The following RBPMS variants were observed in gnomAD, a reference collection of about 807,000 sequenced individuals.
RBPMS encodes the protein RNA binding protein, mRNA processing factor, also known as RNA-binding protein with multiple splicing.
RBPMS carries 7 observed loss-of-function variants against 26.8 expected under a neutral mutation model. The ratio of observed to expected loss-of-function variants is 0.26; its 90% CI spans 0.15 to 0.49. The LOEUF is 0.49. RBPMS is among the 20% of genes least tolerant of loss of function. The pLI is 0.98. For missense variants in RBPMS, 186 were observed against 250.0 expected, an observed-to-expected ratio of 0.74 and a Z score of 1.73; for synonymous variants, 96 against 93.3, an observed-to-expected ratio of 1.03 and a Z score of -0.17.
At chr8:30,448,606 G>A (rs1312266947) in intron 1 of RBPMS, among the ~76,000 whole-genome samples, 1 of 152,186 alleles carries the variant, frequency 6.6e-6, no homozygotes, top group Admixed American at 6.5e-5. Flanking sequence ...ACTAGAAAAA[G>A]TATACAGAGA....
At chr8:30,474,962 T>A in intron 2 of RBPMS, 106 bp downstream of exon 2, 1 of 759,784 alleles carries the variant, frequency 1.3e-6, no homozygotes, top group South Asian at 1.6e-5. Context: ...AAAACAGATG[T>A]TTTTAAAAGG....
intron 4 of RBPMS, among the ~76,000 whole-genome samples, chr8:30,481,850 G>A (rs1206520839): frequency 1.3e-5 from 2 of 152,150 alleles, no homozygotes; most frequent in South Asian, 4.1e-4. Flanking sequence ...AAATCTTTCC[G>A]ATGTTGTAGT....
At chr8:30,458,006 A>G (rs973848075) in intron 1 of RBPMS, among the ~76,000 whole-genome samples, 1 of 152,220 alleles carries the variant, frequency 6.6e-6, no homozygotes, top group African/African-American at 2.4e-5. Flanking sequence ...TGAGGATACC[A>G]AAACCTGGAT....
intron 1 of RBPMS, among the ~76,000 whole-genome samples, chr8:30,445,540 A>T (rs1222579503): frequency 6.6e-6 from 1 of 151,462 alleles, no homozygotes; most frequent in Non-Finnish European, 1.5e-5. Context: ...TTCTCTGTAG[A>T]TGGAAAGCTT....
chr8:30,561,860 G>A (rs1450641155), intron 7 of RBPMS: 2 of 985,244 alleles, frequency 2.0e-6, no homozygotes, highest in Non-Finnish European at 2.4e-6. Context: ...CCATTGTGAA[G>A]CAGTTGCGTG....
intron 3 of RBPMS, among the ~76,000 whole-genome samples, chr8:30,479,046 G>C (rs1234600566): frequency 2.0e-5 from 3 of 152,170 alleles, no homozygotes; most frequent in African/African-American, 4.8e-5. Context: ...GTTCACTGCT[G>C]TTCACCTTTC....
At chr8:30,517,743 T>C (rs1013597572) in intron 5 of RBPMS, among the ~76,000 whole-genome samples, 13 of 152,208 alleles carry the variant, frequency 8.5e-5, no homozygotes, top group African/African-American at 3.1e-4. Context: ...GTTGAAGTTA[T>C]AGACAATGCT....
At chr8:30,470,187 C>T (rs964820513) in intron 1 of RBPMS, among the ~76,000 whole-genome samples, 10 of 152,112 alleles carry the variant, frequency 6.6e-5, no homozygotes, top group Non-Finnish European at 1.3e-4. Context: ...AGTTCAAGAC[C>T]AGGCTGGCCA....
chr8:30,415,495 C>T (rs1287793016), intron 1 of RBPMS, among the ~76,000 whole-genome samples: 1 of 152,204 alleles, frequency 6.6e-6, no homozygotes. Context: ...CTCCTGCAGA[C>T]CCTATGCTTC....
Position 30,419,303 on chromosome 8 carries a change from G to A in RBPMS, c.66+34145G>A, listed in dbSNP as rs148429729. 9.8e-3 allele frequency among the ~76,000 whole-genome samples: 1,487 copies of A among 152,080 alleles called. 28 individuals are homozygous for A. The highest frequency in any genetic ancestry group is 0.034 in the African/African-American group (1,418 of 41,484). On this transcript the variant is annotated intron_variant, in intron 1 of 8. Transcript: ENST00000397323. ...TCTATTAAAAATACAAAAATTATCC[G>A]GGCATGGTGGTGCACGTCTGTAGTT...
chr8:30,554,473 CAT>C (rs1269166766), intron 6 of RBPMS, among the ~76,000 whole-genome samples: 1 of 152,244 alleles, frequency 6.6e-6, no homozygotes, highest in Non-Finnish European at 1.5e-5. Flanking sequence ...TGTGCCCACA[CAT>C]ATCAAGAAAC....
At chr8:30,465,534 C>A (rs1816401884) in intron 1 of RBPMS, among the ~76,000 whole-genome samples, 2 of 152,236 alleles carry the variant, frequency 1.3e-5, no homozygotes, top group South Asian at 4.1e-4. Context: ...CGCCTGTAAT[C>A]CCAGCGCTTT....
chr8:30,417,426 A>G (rs1810222717), intron 1 of RBPMS, among the ~76,000 whole-genome samples: 1 of 152,060 alleles, frequency 6.6e-6, no homozygotes, highest in Admixed American at 6.5e-5. Context: ...AACCTGTTTT[A>G]TAGAAACTTC....
At chr8:30,434,873 T>C (rs889809245) in intron 1 of RBPMS, among the ~76,000 whole-genome samples, 3 of 151,884 alleles carry the variant, frequency 2.0e-5, no homozygotes, top group African/African-American at 7.3e-5. Context: ...CATCTAAGGG[T>C]TCTCATGGGA....
intron 4 of RBPMS, among the ~76,000 whole-genome samples, chr8:30,491,738 T>G (rs533153258): frequency 6.6e-6 from 1 of 152,184 alleles, no homozygotes; most frequent in Non-Finnish European, 1.5e-5. Flanking sequence ...AGAACGATCC[T>G]TAAAACATAT....
At chr8:30,492,848 TCTTA>T (rs769480125) in intron 4 of RBPMS, among the ~76,000 whole-genome samples, 1 of 152,348 alleles carries the variant, frequency 6.6e-6, no homozygotes, top group East Asian at 1.9e-4. Flanking sequence ...TTTCTTTTTT[TCTTA>T]CTCTTTTTTT....
chr8:30,502,227 T>C (rs1349773359), intron 4 of RBPMS, among the ~76,000 whole-genome samples: 1 of 141,660 alleles, frequency 7.1e-6, no homozygotes, highest in African/African-American at 2.6e-5. Context: ...GGGGGGCGGG[T>C]ATGAAGAAGG....
chr8:30,497,521 G>A (rs62505144), intron 4 of RBPMS, among the ~76,000 whole-genome samples: 5 of 152,056 alleles, frequency 3.3e-5, no homozygotes, highest in African/African-American at 4.8e-5. Flanking sequence ...ACTCCAGCCC[G>A]GGTGACAGAG....
rs148660381 is a variant in RBPMS, at chr8:30,427,585, G to A, written c.66+42427G>A. 2.7e-3 allele frequency among the ~76,000 whole-genome samples: 413 copies of A among 152,296 alleles called. 4 individuals are homozygous for A. Among genetic ancestry groups the A allele is most frequent in the African/African-American group, 9.7e-3 (402 of 41,560 alleles). ...ACTCTCTCTCTTCCTGTCTTTCCAT[G>A]GCAATTTTTAAAGGTCTGTGTTACA... On this transcript the variant is annotated intron_variant, in intron 1 of 8. Transcript: ENST00000397323.
Sources: allele counts gnomAD v4.1 joint callset (sites outside exome capture counted in the v4.1 genomes callset), GRCh38; gene constraint gnomAD v4.1.1; transcripts MANE v1.5; gene names NCBI Gene and HGNC (gene_info 2026-07-23, HGNC 2026-07-21).